HEBP1: variants seen among roughly 807,000 people sequenced by gnomAD.
HEBP1 encodes heme binding protein 1.
In HEBP1, 13 loss-of-function variants were observed where a neutral mutation model predicts 20.4. The ratio of observed to expected loss-of-function variants is 0.64; its 90% confidence interval spans 0.42 to 1.01. HEBP1 has a LOEUF of 1.01. HEBP1 is among the 50% of genes least tolerant of loss of function. The pLI is 0.00. For missense variants in HEBP1, 241 were observed against 247.3 expected (o/e 0.97, Z 0.17); for synonymous variants, 92 against 90.7 (o/e 1.01, Z -0.08).
intron 1 of HEBP1, among the ~76,000 whole-genome samples, chr12:12,991,702 A>C (rs1864227717): frequency 6.6e-6 from 1 of 152,220 alleles, no homozygotes; most frequent in Admixed American, 6.5e-5. Context: ...CTTATCATGA[A>C]TATACACATA....
rs1863961026 is a variant in HEBP1, at chr12:12,975,183, A to G, written c.*125T>C. 2.3e-6 allele frequency: 2 copies of G among 851,272 alleles called. No individual in the cohort carries two copies. Among genetic ancestry groups the G allele is most frequent in the South Asian group, 3.3e-5 (2 of 61,040 alleles). The allele number at this position is 851,272 out of a possible 1,614,324, so 52.7% of individuals were successfully genotyped here. ...TTTTTCAGAAAATTGGCAGTAACTG[A>G]CTTTGAAGGAAAGTTGGTTAAGTTG... On this transcript the variant is annotated 3_prime_UTR_variant, in exon 4 of 4. Coordinates refer to ENST00000014930, the MANE Select transcript of HEBP1 (RefSeq NM_015987.5).
In HEBP1 at chr12:12,975,124, T is replaced by C. The variant is rs13479; in HGVS notation, c.*184A>G. 0.93 allele frequency: 494,791 copies of C among 534,650 alleles called. 230,189 individuals carry two copies. The highest frequency in any genetic ancestry group is 0.99 in the East Asian group (28,459 of 28,712). 33.1% of individuals were successfully genotyped at this position (534,650 alleles called of 1,614,324 possible). A position where few individuals can be genotyped will look rare whatever the true frequency, so the allele number is the denominator to read the frequency against. ...ATATCTTGGCTGTATTATTTCCTAC[T>C]GTGAGAAAAGAGACTTAGTATATGG... On this transcript the variant is annotated 3_prime_UTR_variant, in exon 4 of 4. Transcript: ENST00000014930.
At chr12:12,976,311 G>A (rs1437979665) in intron 3 of HEBP1, among the ~76,000 whole-genome samples, 1 of 152,082 alleles carries the variant, frequency 6.6e-6, no homozygotes, top group Non-Finnish European at 1.5e-5. Context: ...TCTTTTGATG[G>A]CAGAAATTGG....
intron 3 of HEBP1, among the ~76,000 whole-genome samples, chr12:12,978,403 G>A (rs571316826): frequency 6.6e-5 from 10 of 151,632 alleles, no homozygotes; most frequent in Admixed American, 1.3e-4. Flanking sequence ...GGGTTTTGCC[G>A]TATTGGCCAG....
chr12:12,978,764 GC>G (rs766688358), intron 3 of HEBP1, among the ~76,000 whole-genome samples: 150 of 152,228 alleles, frequency 9.9e-4, no homozygotes, highest in Admixed American at 1.6e-3. Flanking sequence ...AGAAGAAGAT[GC>G]CGCTAACCAG....
In HEBP1 at chr12:12,989,450, C is replaced by A. The variant is rs1267752113; in HGVS notation, c.79-35G>T. The A allele has an allele frequency of 4.4e-6, 7 of 1,608,810 alleles. No homozygotes were observed. In the Admixed American group the frequency reaches 8.4e-5, roughly 19 times the overall value. ...GAGAAGGTACAGTGTTTAAGAGGTA[C>A]AAAGTAGCAACTTGTGATGTCTCTA... On this transcript the variant is annotated intron_variant, in intron 1 of 3. Coordinates refer to ENST00000014930, the MANE Select transcript of HEBP1 (RefSeq NM_015987.5).
Position 12,993,432 on chromosome 12 carries a change from C to T in HEBP1, c.79-4017G>A, listed in dbSNP as rs184969522. ...CTGGTCTCAAACTTCTGAGCTCATG[C>T]GATCCACCTATGTCAGCCTTCCAAA... On this transcript the variant is annotated intron_variant, in intron 1 of 3. Transcript: ENST00000014930. Among the ~76,000 whole-genome samples the T allele has an allele frequency of 1.7e-4, 26 of 150,714 alleles. 1 individual carries two copies. Among genetic ancestry groups the T allele is most frequent in the East Asian group, 1.6e-3 (8 of 5,104 alleles).
chr12:12,986,217 T>G lies in HEBP1; in HGVS notation c.398+935A>C, dbSNP rs117599683. Reference sequence around the variant, plus strand: ...ACATTCACTGTCCTCTGGAGGGCCCTGCAGTCACCTGGCCTAGGACTACAC... The same window carrying G: ...ACATTCACTGTCCTCTGGAGGGCCCGGCAGTCACCTGGCCTAGGACTACAC... On this transcript the variant is annotated intron_variant, in intron 3 of 3. Transcript: ENST00000014930. This position sits in a 1 kb window ranked among gnomAD's most constrained non-coding sequence, Gnocchi z 4.3. The G allele has an allele frequency of 0.012, 1,831 of 152,368 alleles. 77 individuals are homozygous for G. In the East Asian group the frequency reaches 0.15, roughly 13 times the overall value. The allele number at this position is 152,368 out of a possible 1,614,324, so 9.4% of individuals were successfully genotyped here.
chr12:12,993,162 CCTTCCT>C, intron 1 of HEBP1, among the ~76,000 whole-genome samples: 3 of 79,074 alleles, frequency 3.8e-5, no homozygotes, highest in African/African-American at 1.5e-4. Context: ...TTCCTTCCTT[CCTTCCT>C]CTCTCTCTCT....
chr12:12,985,353 GT>G (rs1306279154), intron 3 of HEBP1, among the ~76,000 whole-genome samples: 1 of 152,158 alleles, frequency 6.6e-6, no homozygotes, highest in African/African-American at 2.4e-5. Flanking sequence ...GGTGAATGCT[GT>G]GAAGATACAC....
rs1287198670 is a variant in HEBP1, at chr12:12,996,988, T to C, written c.78+3049A>G. 3.3e-5 allele frequency among the ~76,000 whole-genome samples: 5 copies of C among 152,246 alleles called. No individual in the cohort carries two copies. Among genetic ancestry groups the C allele is most frequent in the African/African-American group, 1.2e-4 (5 of 41,452 alleles). On this transcript the variant is annotated intron_variant, in intron 1 of 3. Coordinates refer to ENST00000014930, the MANE Select transcript of HEBP1 (RefSeq NM_015987.5). The surrounding 1 kb of genome is among the most constrained non-coding windows in gnomAD (Gnocchi z 4.1). Reference sequence around the variant, plus strand: ...TGAGATGAGCACTGATATAATGCTATTACTATATTTGTAGGGTATGTATAC... The same window carrying C: ...TGAGATGAGCACTGATATAATGCTACTACTATATTTGTAGGGTATGTATAC...
intron 3 of HEBP1, among the ~76,000 whole-genome samples, chr12:12,978,292 C>T (rs1470896292): frequency 7.2e-6 from 1 of 139,356 alleles, no homozygotes; most frequent in South Asian, 2.3e-4. Context: ...CTCATTGCAA[C>T]CTCTGCCTCC....
rs1453875085 is a variant in HEBP1, at chr12:12,975,028, G to A, written c.*280C>T. The A allele has an allele frequency of 3.5e-6, 1 of 287,530 alleles. No homozygotes were observed. Among genetic ancestry groups the A allele is most frequent in the East Asian group, 7.7e-5 (1 of 13,052 alleles). The allele number at this position is 287,530 out of a possible 1,614,324, so 17.8% of individuals were successfully genotyped here. A position where few individuals can be genotyped will look rare whatever the true frequency, so the allele number is the denominator to read the frequency against. ...AAAATCAGTTTTTAGTGACCCAGAT[G>A]CCTGGAGAAAAGCTGCCAGGATTTT... On this transcript the variant is annotated 3_prime_UTR_variant, in exon 4 of 4. Coordinates refer to ENST00000014930, the MANE Select transcript of HEBP1 (RefSeq NM_015987.5).
intron 1 of HEBP1, among the ~76,000 whole-genome samples, chr12:12,993,448 G>A (rs850947): frequency 0.27 from 39,409 of 148,362 alleles, 5,840 homozygotes; most frequent in East Asian, 0.6. Context: ...ACCTATGTCA[G>A]CCTTCCAAAG....
intron 1 of HEBP1, among the ~76,000 whole-genome samples, chr12:12,992,423 C>T (rs896747819): frequency 6.6e-6 from 1 of 152,192 alleles, no homozygotes. Context: ...AGACTGGTCT[C>T]GAACTCCTGA....
intron 3 of HEBP1, chr12:12,984,247 T>C (rs974527359): frequency 1.3e-5 from 2 of 154,846 alleles, no homozygotes; most frequent in African/African-American, 2.4e-5. Flanking sequence ...TACTGAAATA[T>C]TGCAGGTAAT....
In HEBP1 at chr12:12,987,117, G is replaced by A. The variant is rs750562161; in HGVS notation, c.398+35C>T. 13 of 1,571,786 alleles carry A rather than the reference G, an allele frequency of 8.3e-6. No individual in the cohort carries two copies. The Admixed American group carries it at 1.2e-4, about 15-fold the overall frequency. ...GCAAGGAGTGGTACGGGAATCAAGC[G>A]CCACCCATGGATGCCTGAAGGATTG... is the stretch of plus-strand genomic sequence containing the variant. On this transcript the variant is annotated intron_variant, in intron 3 of 3. Coordinates refer to ENST00000014930, the MANE Select transcript of HEBP1 (RefSeq NM_015987.5).
At chr12:12,987,588 C>CTT (rs1491100085) in intron 2 of HEBP1, among the ~76,000 whole-genome samples, 1 of 95,458 alleles carries the variant, frequency 1.0e-5, no homozygotes, top group South Asian at 5.0e-4. Flanking sequence ...TTATCAGTCT[C>CTT]TTTCTCTCTC....
chr12:12,976,098 A>AAAC (rs1555113916), intron 3 of HEBP1, among the ~76,000 whole-genome samples: 1 of 143,326 alleles, frequency 7.0e-6, no homozygotes, highest in African/African-American at 2.5e-5. Flanking sequence ...AAAAAAAAAA[A>AAAC]ACAAACCAAA....
Sources: gnomAD v4.1 joint callset for allele counts (sites outside exome capture counted in the v4.1 genomes callset) on GRCh38, gnomAD v4.1.1 for gene constraint, Gnocchi (gnomAD v3.1) non-coding constraint, MANE v1.5 for transcripts, NCBI Gene and HGNC (gene_info 2026-07-23, HGNC 2026-07-21) for gene names.